ZC3H4: variants seen among roughly 807,000 people sequenced by gnomAD.
ZC3H4 encodes zinc finger CCCH domain-containing protein 4.
Under a neutral mutation model 108.3 loss-of-function variants are expected in ZC3H4, and 13 were observed. The ratio of observed to expected loss-of-function variants is 0.12; its 90% CI spans 0.08 to 0.19. The LOEUF (loss-of-function observed/expected upper bound fraction) is 0.19. Ranked by LOEUF, ZC3H4 falls within the 10% of genes least tolerant of loss-of-function variation. The probability of loss-of-function intolerance (pLI) is 1.00; values close to 1 mark genes in which losing one functional copy is unlikely to be tolerated. For missense variants in ZC3H4, 1,734 were observed against 1,838.8 expected (o/e 0.94, Z 1.04); for synonymous variants, 917 against 749.6 (o/e 1.22, Z -3.65).
At chr19:47,094,214 C>G in intron 3 of ZC3H4, 134 bp from the exon 4 acceptor site, 1 of 1,085,742 alleles carries the variant, frequency 9.2e-7, no homozygotes, top group East Asian at 2.4e-5. Context: ...ACCTGGGGCA[C>G]TTAGTGGCAA....
intron 2 of ZC3H4, among the ~76,000 whole-genome samples, chr19:47,102,907 G>A (rs903124199): frequency 6.6e-6 from 1 of 152,162 alleles, no homozygotes; most frequent in Non-Finnish European, 1.5e-5. Flanking sequence ...TCTGGGGTTT[G>A]TCCAAGCATG....
intron 5 of ZC3H4, 77 bp from the exon 6 acceptor site, chr19:47,086,615 C>T: frequency 1.3e-6 from 2 of 1,482,806 alleles, no homozygotes; most frequent in Non-Finnish European, 1.8e-6. Context: ...CCACATTTTG[C>T]TCCTGAGGTC....
chr19:47,092,662 C>G (rs2057754387), intron 4 of ZC3H4, among the ~76,000 whole-genome samples: 1 of 151,628 alleles, frequency 6.6e-6, no homozygotes, highest in Admixed American at 6.6e-5. Flanking sequence ...ACTAAAAATA[C>G]AAAAATCAGC....
Position 47,067,460 on chromosome 19 carries a change from G to C in ZC3H4, c.2808C>G (p.Ala936=), listed in dbSNP as rs370977082. The C allele has an allele frequency of 2.6e-5, 41 of 1,587,538 alleles. No individual in the cohort carries two copies. Among genetic ancestry groups the C allele is most frequent in the Admixed American group, 5.3e-5 (3 of 56,952 alleles). The part of the protein sequence containing the change: ...EEGERALREK[A]VNIPLDPLPG... ...GGAGTGGGTCCAGGGGAATGTTCAC[G>C]GCCTTCTCCCGCAGGGCCCGCTCCC... The change falls in exon 15 of 15, where the codon GCC becomes GCG. Residue 936 remains alanine (A), a synonymous_variant. Coordinates refer to ENST00000253048, the MANE Select transcript of ZC3H4 (RefSeq NM_015168.2). The surrounding 1 kb of genome is among the most constrained non-coding windows in gnomAD (Gnocchi z 6.4).
intron 2 of ZC3H4, among the ~76,000 whole-genome samples, chr19:47,105,651 G>A (rs1047201978): frequency 6.6e-6 from 1 of 152,146 alleles, no homozygotes; most frequent in Non-Finnish European, 1.5e-5. Flanking sequence ...CAGGCTGGGT[G>A]GGCTGGCTTT....
At position 47,082,826 on chromosome 19, in the gene ZC3H4, G is replaced by T. The variant is rs139518302; in HGVS notation, c.1219-531C>A. On this transcript the variant is annotated intron_variant, in intron 9 of 14. Transcript: ENST00000253048. ...ACTGCCCACCCAGCTCCAGACTCCT[G>T]GTTCTGAGAGACAAATGTCTATGTG... Among the ~76,000 whole-genome samples the T allele has an allele frequency of 1.3e-4, 20 of 152,242 alleles. No individual in the cohort carries two copies. The East Asian group carries it at 3.7e-3, about 28-fold the overall frequency.
intron 9 of ZC3H4, among the ~76,000 whole-genome samples, chr19:47,082,843 G>A (rs985675824): frequency 1.3e-5 from 2 of 152,158 alleles, no homozygotes; most frequent in Non-Finnish European, 2.9e-5. Context: ...AGAGACAAAT[G>A]TCTATGTGTT....
At chr19:47,068,283 C>T (rs1309005948) in intron 14 of ZC3H4, among the ~76,000 whole-genome samples, 1 of 152,196 alleles carries the variant, frequency 6.6e-6, no homozygotes, top group African/African-American at 2.4e-5. Context: ...GCTGGTTCAG[C>T]CCCCACTGTG....
At chr19:47,106,653 G>C (rs983189327) in intron 2 of ZC3H4, among the ~76,000 whole-genome samples, 2 of 152,182 alleles carry the variant, frequency 1.3e-5, no homozygotes, top group Non-Finnish European at 2.9e-5. Flanking sequence ...ATCGTGGCCA[G>C]AAACTGTAGA....
chr19:47,113,658 G>T (rs1220408208), intron 1 of ZC3H4, 62 bp downstream of exon 1: 1 of 152,180 alleles, frequency 6.6e-6, no homozygotes, highest in African/African-American at 2.4e-5. Context: ...AGAGCCAATA[G>T]TTTTAGGTGG....
At position 47,064,714 on chromosome 19, in the gene ZC3H4, G is replaced by A. The variant is rs1404029909; in HGVS notation, c.*1642C>T. On this transcript the variant is annotated 3_prime_UTR_variant, in exon 15 of 15. Coordinates refer to ENST00000253048, the MANE Select transcript of ZC3H4 (RefSeq NM_015168.2). ...GTGGCTGAAGACAAATCTCATTAATGATTGTGTAAAAAAAAAAAAAAAAAA... is the reference window on the plus strand; with the variant it reads ...GTGGCTGAAGACAAATCTCATTAATAATTGTGTAAAAAAAAAAAAAAAAAA... 13 of 108,714 alleles carry A rather than the reference G, an allele frequency of 1.2e-4. No homozygotes were observed. The highest frequency in any genetic ancestry group is 5.9e-4 in the South Asian group (2 of 3,378). The allele number at this position is 108,714 out of a possible 1,614,324, so 6.7% of individuals were successfully genotyped here.
chr19:47,094,012 T>C lies in ZC3H4; in HGVS notation c.450A>G (p.Lys150=), dbSNP rs769598819. 6.2e-7 allele frequency: 1 copy of C among 1,614,182 alleles called. No individual in the cohort carries two copies. The highest frequency in any genetic ancestry group is 1.1e-5 in the South Asian group (1 of 91,086). ...SDDSDFSPSE[K]GHRKYREYSP... is the part of the protein sequence containing the mutation. ...TGTACTCTCTGTACTTGCGGTGACC[T>C]TTCTCACTGGGGCTGAAATCCGAGT... Residue 150 remains lysine, a synonymous_variant, in exon 4 of 15, where the codon AAA becomes AAG. Coordinates refer to ENST00000253048, the MANE Select transcript of ZC3H4 (RefSeq NM_015168.2).
intron 11 of ZC3H4, among the ~76,000 whole-genome samples, chr19:47,074,725 T>TGAA (rs1209966848): frequency 1.3e-5 from 2 of 152,184 alleles, no homozygotes; most frequent in African/African-American, 4.8e-5. Flanking sequence ...AGCAGCCTAG[T>TGAA]GAAAACCCTG....
chr19:47,086,858 C>T (rs2057637888), intron 5 of ZC3H4, among the ~76,000 whole-genome samples: 1 of 152,190 alleles, frequency 6.6e-6, no homozygotes, highest in Admixed American at 6.5e-5. Context: ...GCAACTAACA[C>T]GTCTGGTCCA....
rs181698457 is a variant in ZC3H4 at position 47,112,963 on chromosome 19, G to C, written c.-5-374C>G. On this transcript the variant is annotated intron_variant, in intron 1 of 14. Coordinates refer to ENST00000253048, the MANE Select transcript of ZC3H4 (RefSeq NM_015168.2). ...AGCGAAGGGTAAGGGGAGAAGAGGA[G>C]AGCGAGCGAGGGGGGTGGGGGGTTA... Among the ~76,000 whole-genome samples the C allele has an allele frequency of 3.5e-3, 534 of 152,234 alleles. 3 individuals are homozygous for C. Among genetic ancestry groups the C allele is most frequent in the Non-Finnish European group, 6.8e-3 (460 of 67,978 alleles).
intron 2 of ZC3H4, among the ~76,000 whole-genome samples, chr19:47,103,659 G>A (rs2123074670): frequency 6.6e-6 from 1 of 151,896 alleles, no homozygotes; most frequent in African/African-American, 2.4e-5. Flanking sequence ...GGGCACAGTG[G>A]CTCATGCCTG....
At chr19:47,108,319 C>T (rs1282858702) in intron 2 of ZC3H4, among the ~76,000 whole-genome samples, 2 of 152,102 alleles carry the variant, frequency 1.3e-5, no homozygotes, top group Non-Finnish European at 2.9e-5. Flanking sequence ...TCTGGTTTGA[C>T]TTGATAGCTA....
intron 2 of ZC3H4, among the ~76,000 whole-genome samples, chr19:47,099,129 C>T (rs1192529085): frequency 1.3e-5 from 2 of 152,188 alleles, no homozygotes; most frequent in East Asian, 3.8e-4. Context: ...CCCTAACTGG[C>T]TGGAATGCTA....
rs536092095 is a variant in ZC3H4, at chr19:47,096,318, G to A, written c.162-1710C>T. On this transcript the variant is annotated intron_variant, in intron 2 of 14. Coordinates refer to ENST00000253048, the MANE Select transcript of ZC3H4 (RefSeq NM_015168.2). ...CATGTGCACCTTGTGTTGCTTCCCC[G>A]ACTAGCAAACTTGGAATGGGGCGGG... Among the ~76,000 whole-genome samples the A allele has an allele frequency of 3.3e-5, 5 of 152,310 alleles. No homozygotes were observed. The South Asian group carries it at 6.2e-4, about 19-fold the overall frequency.
Sources: allele counts gnomAD v4.1 joint callset (sites outside exome capture counted in the v4.1 genomes callset), GRCh38; gene constraint gnomAD v4.1.1; non-coding constraint Gnocchi (gnomAD v3.1); transcripts MANE v1.5; gene names NCBI Gene and HGNC (gene_info 2026-07-23, HGNC 2026-07-21).